Variants in DAPK1 observed in about 807,000 individuals in gnomAD.
The protein encoded by DAPK1 is death-associated protein kinase 1.
Under a neutral mutation model 144.9 loss-of-function variants are expected in DAPK1, and 56 were observed. The ratio of observed to expected loss-of-function variants is 0.39; its 90% CI spans 0.31 to 0.48. DAPK1 has a LOEUF of 0.48. Among genes scored for constraint, DAPK1 ranks in the 20% least tolerant of loss-of-function variants. The pLI, the probability that DAPK1 is intolerant of heterozygous loss-of-function variation, is 0.95. For synonymous variants in DAPK1, 690 were observed against 749.0 expected (o/e 0.92, Z 1.29); for missense variants, 1,454 against 1,875.4 (o/e 0.78, Z 4.15).
At chr9:87,503,535 C>T (rs1250982171) in intron 2 of DAPK1, among the ~76,000 whole-genome samples, 1 of 152,186 alleles carries the variant, frequency 6.6e-6, no homozygotes, top group East Asian at 1.9e-4. Flanking sequence ...CTCCATGGGG[C>T]CATTACCTTG....
rs545326916 is a variant in DAPK1, at chr9:87,637,927, G to C, written c.285-16G>C. 143 of 1,612,462 alleles carry C rather than the reference G, an allele frequency of 8.9e-5. 1 individual carries two copies. The Middle Eastern group carries it at 2.3e-3, about 26-fold the overall frequency. ...AACAGAGTTGTTACCAATAACCTCT[G>C]CTTCCGGGTTCTCAGCGTTGCAGGT... On this transcript the variant is annotated splice_polypyrimidine_tract_variant and intron_variant, in intron 3 of 25. Coordinates refer to ENST00000408954, the MANE Select transcript of DAPK1 (RefSeq NM_004938.4).
At chr9:87,612,302 T>A (rs1828957505) in intron 3 of DAPK1, among the ~76,000 whole-genome samples, 1 of 152,230 alleles carries the variant, frequency 6.6e-6, no homozygotes, top group Admixed American at 6.5e-5. Flanking sequence ...ATGTAATTAG[T>A]TAAGATGAGG....
At chr9:87,603,325 T>A (rs1828594253) in intron 2 of DAPK1, among the ~76,000 whole-genome samples, 1 of 152,208 alleles carries the variant, frequency 6.6e-6, no homozygotes, top group Non-Finnish European at 1.5e-5. Flanking sequence ...TGTAATGAAG[T>A]CATTACATAG....
At chr9:87,545,215 C>A (rs1826199330) in intron 2 of DAPK1, among the ~76,000 whole-genome samples, 1 of 152,188 alleles carries the variant, frequency 6.6e-6, no homozygotes, top group South Asian at 2.1e-4. Context: ...TGACTGATCT[C>A]CCCAATTCTC....
At position 87,566,020 on chromosome 9, in the gene DAPK1, C is replaced by CTTT. The variant is rs11354174; in HGVS notation, c.63-38918_63-38916dup. ...CCTTTTGTCTCTCTGTCTCAGCATT[C>CTTT]TTTTTTTTTTTTTTTTTTGAGTTGG... On this transcript the variant is annotated intron_variant, in intron 2 of 25. Transcript: ENST00000408954. 1.5e-3 allele frequency among the ~76,000 whole-genome samples: 182 copies of CTTT among 120,604 alleles called. 3 individuals carry two copies. Among genetic ancestry groups the CTTT allele is most frequent in the African/African-American group, 5.4e-3 (168 of 30,842 alleles). The allele number at this position is 120,604 out of a possible 152,430, so 79.1% of individuals were successfully genotyped here. A position where few individuals can be genotyped will look rare whatever the true frequency, so the allele number is the denominator to read the frequency against.
intron 2 of DAPK1, among the ~76,000 whole-genome samples, chr9:87,584,602 C>T (rs184241347): frequency 6.6e-6 from 1 of 152,284 alleles, no homozygotes; most frequent in African/African-American, 2.4e-5. Context: ...TCTCCACATC[C>T]TCACCAACAC....
chr9:87,612,733 A>G (rs981771720), intron 3 of DAPK1, among the ~76,000 whole-genome samples: 1 of 152,212 alleles, frequency 6.6e-6, no homozygotes, highest in Non-Finnish European at 1.5e-5. Flanking sequence ...TAACTGCAAA[A>G]TGACGCAATA....
At chr9:87,667,117 A>G (rs1831087999) in intron 18 of DAPK1, among the ~76,000 whole-genome samples, 1 of 152,122 alleles carries the variant, frequency 6.6e-6, no homozygotes, top group Non-Finnish European at 1.5e-5. Context: ...CCTTCTCTTT[A>G]TGGACTTTTC....
chr9:87,600,818 G>T (rs1828489379), intron 2 of DAPK1, among the ~76,000 whole-genome samples: 1 of 152,194 alleles, frequency 6.6e-6, no homozygotes, highest in South Asian at 2.1e-4. Flanking sequence ...TTACTGACTG[G>T]CCTCAGTGCA....
intron 2 of DAPK1, among the ~76,000 whole-genome samples, chr9:87,574,495 G>A (rs535551786): frequency 2.6e-5 from 4 of 152,100 alleles, no homozygotes; most frequent in South Asian, 2.1e-4. Flanking sequence ...TCTCTTAATC[G>A]TTCCTCCAAG....
intron 1 of DAPK1, among the ~76,000 whole-genome samples, 177 bp downstream of exon 1, chr9:87,498,284 C>G (rs1381622029): frequency 2.0e-5 from 3 of 152,192 alleles, no homozygotes; most frequent in East Asian, 1.9e-4. Flanking sequence ...CTTCCCCAGC[C>G]CCGCGGGCCG....
chr9:87,688,503 A>T (rs998383728), intron 21 of DAPK1, among the ~76,000 whole-genome samples: 1 of 152,294 alleles, frequency 6.6e-6, no homozygotes, highest in Non-Finnish European at 1.5e-5. Context: ...TTCTTTGAGA[A>T]ATCTCCAAAC....
At chr9:87,678,214 C>T (rs975350112) in intron 19 of DAPK1, among the ~76,000 whole-genome samples, 1 of 152,192 alleles carries the variant, frequency 6.6e-6, no homozygotes, top group South Asian at 2.1e-4. Flanking sequence ...GTGTCACGCT[C>T]CCTTGTAGAA....
At chr9:87,626,771 A>G (rs1587784466) in intron 3 of DAPK1, among the ~76,000 whole-genome samples, 1 of 152,370 alleles carries the variant, frequency 6.6e-6, no homozygotes, top group Non-Finnish European at 1.5e-5. Context: ...CAAGAGATTA[A>G]TAGCAATGGG....
intron 21 of DAPK1, among the ~76,000 whole-genome samples, chr9:87,694,128 C>T (rs906146280): frequency 7.9e-5 from 12 of 152,134 alleles, no homozygotes; most frequent in African/African-American, 1.4e-4. Flanking sequence ...GGGCAGCAGG[C>T]GTGGTGTGAG....
chr9:87,526,148 TAA>T (rs56046499), intron 2 of DAPK1, among the ~76,000 whole-genome samples: 1 of 141,526 alleles, frequency 7.1e-6, no homozygotes, highest in Non-Finnish European at 1.5e-5. Flanking sequence ...TCTCTACAAT[TAA>T]AAAAAAAAAA....
chr9:87,604,982 C>G lies in DAPK1; in HGVS notation c.91C>G (p.Arg31Gly). ...SGQFAVVKKC[R>G]EKSTGLQYAA... ...ACAGTTTGCGGTTGTGAAGAAATGCCGTGAGAAAAGCACCGGCCTCCAGTA... is the reference window on the plus strand; with the variant it reads ...ACAGTTTGCGGTTGTGAAGAAATGCGGTGAGAAAAGCACCGGCCTCCAGTA... The change falls in exon 3 of 26, where the codon CGT becomes GGT. Residue 31 changes from arginine (R) to glycine (G), a missense_variant. Coordinates refer to ENST00000408954, the MANE Select transcript of DAPK1 (RefSeq NM_004938.4). 2 of 1,614,058 alleles carry G rather than the reference C, an allele frequency of 1.2e-6. No homozygotes were observed.
Position 87,707,967 on chromosome 9 carries a change from C to T in DAPK1, c.*603C>T, listed in dbSNP as rs1298829504. 2 of 443,928 alleles carry T rather than the reference C, an allele frequency of 4.5e-6. No individual in the cohort carries two copies. The highest frequency in any genetic ancestry group is 9.0e-6 in the Non-Finnish European group (2 of 221,724). 27.5% of individuals were successfully genotyped at this position (443,928 alleles called of 1,614,324 possible). On this transcript the variant is annotated 3_prime_UTR_variant, in exon 26 of 26. Coordinates refer to ENST00000408954, the MANE Select transcript of DAPK1 (RefSeq NM_004938.4). The surrounding 1 kb of genome is among the most constrained non-coding windows in gnomAD (Gnocchi z 4.0). ...AGCTGTCACCAAGGAAACGCTACCT[C>T]TCTGTCCCTTGCTGTATGCTGATCA...
chr9:87,589,166 A>C (rs886755514), intron 2 of DAPK1, among the ~76,000 whole-genome samples: 5 of 146,846 alleles, frequency 3.4e-5, no homozygotes, highest in Admixed American at 1.4e-4. Flanking sequence ...ACCTTGGCCT[A>C]CCAAAGTGCT....
Sources: gnomAD v4.1 joint callset for allele counts (sites outside exome capture counted in the v4.1 genomes callset) on GRCh38, gnomAD v4.1.1 for gene constraint, Gnocchi (gnomAD v3.1) non-coding constraint, MANE v1.5 for transcripts, NCBI Gene and HGNC (gene_info 2026-07-23, HGNC 2026-07-21) for gene names.